Variants in RPS6KB1 observed in about 807,000 individuals in gnomAD.
RPS6KB1 encodes ribosomal protein S6 kinase beta-1.
Under a neutral mutation model 70.2 loss-of-function variants are expected in RPS6KB1, and 12 were observed. That is an observed-to-expected ratio of 0.17 (90% CI 0.11 to 0.28). The LOEUF is 0.28. RPS6KB1 is among the 10% of genes least tolerant of loss of function. The probability of loss-of-function intolerance (pLI) is 1.00; values close to 1 mark genes in which losing one functional copy is unlikely to be tolerated. For missense variants in RPS6KB1, 270 were observed against 646.6 expected (o/e 0.42, Z 6.32); for synonymous variants, 175 against 211.2 (o/e 0.83, Z 1.49).
intron 1 of RPS6KB1, among the ~76,000 whole-genome samples, chr17:59,900,171 A>C (rs796762969): frequency 5.4e-4 from 55 of 102,486 alleles, no homozygotes; most frequent in African/African-American, 1.6e-3. Context: ...CTAATTGCTA[A>C]ACACACACAC....
chr17:59,914,519 TGCACATAG>T, intron 3 of RPS6KB1, 108 bp from the exon 4 acceptor site: 1 of 780,816 alleles, frequency 1.3e-6, no homozygotes, highest in Admixed American at 2.4e-5. Context: ...TGATCATTTT[TGCACATAG>T]TTTTTATAAT....
At chr17:59,903,755 C>T (rs568122926) in intron 1 of RPS6KB1, among the ~76,000 whole-genome samples, 1 of 152,130 alleles carries the variant, frequency 6.6e-6, no homozygotes, top group Non-Finnish European at 1.5e-5. Context: ...GAAGTAGTTT[C>T]TCAGTGTGGT....
intron 6 of RPS6KB1, chr17:59,931,405 T>C: frequency 2.0e-6 from 1 of 512,240 alleles, no homozygotes; most frequent in South Asian, 2.6e-5. Flanking sequence ...AATGGCAAAA[T>C]AAAGCACTTT....
chr17:59,929,376 G>A (rs1210723561), intron 5 of RPS6KB1, among the ~76,000 whole-genome samples: 2 of 152,212 alleles, frequency 1.3e-5, no homozygotes, highest in East Asian at 3.8e-4. Context: ...AGGGATTACA[G>A]GCGTAAGCCA....
intron 1 of RPS6KB1, among the ~76,000 whole-genome samples, chr17:59,899,417 T>C (rs1188957712): frequency 6.6e-6 from 1 of 152,112 alleles, no homozygotes; most frequent in East Asian, 1.9e-4. Flanking sequence ...CTGGCCAGCT[T>C]AGGAAATGAA....
At chr17:59,901,370 C>T (rs1040445471) in intron 1 of RPS6KB1, among the ~76,000 whole-genome samples, 38 of 151,126 alleles carry the variant, frequency 2.5e-4, no homozygotes, top group African/African-American at 8.5e-4. Flanking sequence ...AGGATGGTCT[C>T]GATCTCCTGA....
At chr17:59,923,081 C>G (rs1308717765) in intron 4 of RPS6KB1, among the ~76,000 whole-genome samples, 1 of 151,720 alleles carries the variant, frequency 6.6e-6, no homozygotes, top group East Asian at 1.9e-4. Flanking sequence ...CCAGGCTGGT[C>G]TTGAACTCCT....
chr17:59,908,299 T>C, intron 1 of RPS6KB1, among the ~76,000 whole-genome samples: 1 of 151,520 alleles, frequency 6.6e-6, no homozygotes, highest in Admixed American at 6.6e-5. Context: ...TCCAAGAGAT[T>C]CTTCTGCCTC....
At chr17:59,928,217 A>T (rs751037362) in intron 5 of RPS6KB1, among the ~76,000 whole-genome samples, 4 of 151,992 alleles carry the variant, frequency 2.6e-5, no homozygotes, top group Non-Finnish European at 4.4e-5. Context: ...GATTCCCCAG[A>T]TGTTACCATT....
intron 1 of RPS6KB1, among the ~76,000 whole-genome samples, chr17:59,902,335 C>G (rs2042007111): frequency 6.6e-6 from 1 of 151,866 alleles, no homozygotes; most frequent in Non-Finnish European, 1.5e-5. Flanking sequence ...AAACTCCTGA[C>G]CTCAAGTGAT....
chr17:59,934,437 C>A lies in RPS6KB1; in HGVS notation c.783C>A (p.Ala261=), dbSNP rs1283508070. The A allele has an allele frequency of 2.5e-6, 4 of 1,613,242 alleles. No individual in the cohort carries two copies. Among genetic ancestry groups the A allele is most frequent in the Non-Finnish European group, 3.4e-6 (4 of 1,179,450 alleles). Residue 261 remains alanine (A), a synonymous_variant, in exon 9 of 15, where the codon GCC becomes GCA. Transcript: ENST00000225577. This position sits in a 1 kb window ranked among gnomAD's most constrained non-coding sequence, Gnocchi z 4.8. ...CATATTATTTTCCTCATTGTAGGGC[C>A]CCTGAAATCTTGATGAGAAGTGGCC... ...HTFCGTIEYM[A]PEILMRSGHN... is the part of the protein sequence containing the mutation.
In RPS6KB1 at chr17:59,893,938, CTT is replaced by C. The variant is rs11427947; in HGVS notation, c.141+624_141+625del. The C allele has an allele frequency of 2.0e-4, 174 of 854,264 alleles. No individual in the cohort carries two copies. Among genetic ancestry groups the C allele is most frequent in the East Asian group, 3.7e-4 (3 of 8,062 alleles). The allele number at this position is 854,264 out of a possible 1,614,324, so 52.9% of individuals were successfully genotyped here. A position where few individuals can be genotyped will look rare whatever the true frequency, so the allele number is the denominator to read the frequency against. On this transcript the variant is annotated intron_variant, in intron 1 of 14. Coordinates refer to ENST00000225577, the MANE Select transcript of RPS6KB1 (RefSeq NM_003161.4). This position sits in a 1 kb window ranked among gnomAD's most constrained non-coding sequence, Gnocchi z 4.1. The stretch of plus-strand genomic sequence containing the variant: ...CAATCTTCCAGGGTTTGTTTGTTTG[CTT>C]TTTTTTTTTTACCCCCTTCCGTGTG...
intron 1 of RPS6KB1, among the ~76,000 whole-genome samples, chr17:59,904,776 A>C (rs2042169014): frequency 6.8e-6 from 1 of 147,612 alleles, no homozygotes; most frequent in African/African-American, 2.5e-5. Context: ...AGCTCACTGC[A>C]ACCTCTGCCT....
intron 12 of RPS6KB1, among the ~76,000 whole-genome samples, chr17:59,937,539 G>GT (rs2044313613): frequency 6.6e-6 from 1 of 152,156 alleles, no homozygotes; most frequent in African/African-American, 2.4e-5. Context: ...CTGGCTTCTG[G>GT]TGGTTTGCTG....
intron 1 of RPS6KB1, among the ~76,000 whole-genome samples, chr17:59,899,246 G>A (rs951187406): frequency 6.6e-6 from 1 of 151,808 alleles, no homozygotes; most frequent in Non-Finnish European, 1.5e-5. Context: ...CTGTGAAAGA[G>A]AGTTGTCAGT....
At chr17:59,910,394 T>C (rs1234863204) in intron 1 of RPS6KB1, among the ~76,000 whole-genome samples, 168 bp from the exon 2 acceptor site, 1 of 152,152 alleles carries the variant, frequency 6.6e-6, no homozygotes, top group East Asian at 1.9e-4. Flanking sequence ...CATAGTGTTG[T>C]TTGTGTACTG....
chr17:59,924,989 C>T (rs1190122265), intron 4 of RPS6KB1, among the ~76,000 whole-genome samples: 2 of 151,918 alleles, frequency 1.3e-5, no homozygotes, highest in South Asian at 2.1e-4. Flanking sequence ...CCACCATGCC[C>T]GACTAATTTT....
At chr17:59,941,853 C>T (rs1385268532) in intron 13 of RPS6KB1, among the ~76,000 whole-genome samples, 2 of 137,590 alleles carry the variant, frequency 1.5e-5, no homozygotes, top group Non-Finnish European at 3.1e-5. Context: ...AGGATGGTCT[C>T]GATTTCTTTT....
chr17:59,915,520 C>T (rs2042892930), intron 4 of RPS6KB1, among the ~76,000 whole-genome samples: 2 of 151,908 alleles, frequency 1.3e-5, no homozygotes, highest in African/African-American at 4.8e-5. Context: ...GGCTGGAGTG[C>T]AGTTGTACAA....
Sources: gnomAD v4.1 joint callset for allele counts (sites outside exome capture counted in the v4.1 genomes callset) on GRCh38, gnomAD v4.1.1 for gene constraint, Gnocchi (gnomAD v3.1) non-coding constraint, MANE v1.5 for transcripts, NCBI Gene and HGNC (gene_info 2026-07-23, HGNC 2026-07-21) for gene names.